The following PAK5 variants were observed in gnomAD, a reference collection of about 807,000 sequenced individuals.
The protein encoded by PAK5 is p21 (RAC1) activated kinase 5, also known as serine/threonine-protein kinase PAK 5.
PAK5 carries 16 observed loss-of-function variants against 65.9 expected under a neutral mutation model. That is an observed-to-expected ratio of 0.24 (90% confidence interval 0.16 to 0.37). The LOEUF is 0.37. Among genes scored for constraint, PAK5 ranks in the 10% least tolerant of loss-of-function variants. The pLI is 1.00. For synonymous variants in PAK5, 371 were observed against 354.9 expected, an observed-to-expected ratio of 1.05 and a Z score of -0.51; for missense variants, 785 against 903.9, an observed-to-expected ratio of 0.87 and a Z score of 1.69.
At chr20:9,734,941 T>C (rs890358161) in intron 1 of PAK5, among the ~76,000 whole-genome samples, 1 of 152,198 alleles carries the variant, frequency 6.6e-6, no homozygotes, top group Non-Finnish European at 1.5e-5. Context: ...GAATGAACTG[T>C]CATTTGTCAA....
chr20:9,643,291 T>C (rs1244340945), intron 3 of PAK5, among the ~76,000 whole-genome samples: 2 of 152,196 alleles, frequency 1.3e-5, no homozygotes, highest in Non-Finnish European at 2.9e-5. Context: ...TAGAGAACTT[T>C]TGGGCAATTG....
intron 4 of PAK5, 96 bp from the exon 5 acceptor site, chr20:9,566,480 G>T: frequency 8.3e-7 from 1 of 1,201,960 alleles, no homozygotes; most frequent in Non-Finnish European, 1.2e-6. Context: ...GCAGAATGAG[G>T]ATCACCAGTG....
chr20:9,794,063 G>A (rs907446552), intron 1 of PAK5, among the ~76,000 whole-genome samples: 7 of 151,578 alleles, frequency 4.6e-5, no homozygotes, highest in East Asian at 2.0e-4. Flanking sequence ...CATTCTCAGC[G>A]AACTAACACA....
chr20:9,630,382 C>T (rs2046905851), intron 3 of PAK5, among the ~76,000 whole-genome samples: 1 of 152,212 alleles, frequency 6.6e-6, no homozygotes. Context: ...TCTTCTCAAT[C>T]AAGCCAGAAA....
intron 4 of PAK5, among the ~76,000 whole-genome samples, chr20:9,568,823 C>T (rs1408344690): frequency 6.6e-6 from 1 of 152,020 alleles, no homozygotes; most frequent in Non-Finnish European, 1.5e-5. Flanking sequence ...CAGAGTGAAA[C>T]CTTGTCTCAG....
At chr20:9,618,949 T>A (rs7267872) in intron 3 of PAK5, among the ~76,000 whole-genome samples, 2,091 of 118,866 alleles carry the variant, frequency 0.018, 16 homozygotes, top group Non-Finnish European at 0.028. Context: ...TTTTTTTTTT[T>A]AATCTCACTG....
At chr20:9,553,870 G>A (rs1393192584) in intron 7 of PAK5, among the ~76,000 whole-genome samples, 2 of 152,192 alleles carry the variant, frequency 1.3e-5, no homozygotes, top group Non-Finnish European at 2.9e-5. Flanking sequence ...AAATGCCTCA[G>A]AGTGCAAGTG....
At chr20:9,656,758 C>T (rs1348288110) in intron 2 of PAK5, among the ~76,000 whole-genome samples, 1 of 152,006 alleles carries the variant, frequency 6.6e-6, no homozygotes, top group African/African-American at 2.4e-5. Context: ...TTGTTAAGCA[C>T]ATAAAATACT....
chr20:9,740,371 G>A (rs1335589747), intron 1 of PAK5, among the ~76,000 whole-genome samples: 1 of 152,122 alleles, frequency 6.6e-6, no homozygotes, highest in Non-Finnish European at 1.5e-5. Flanking sequence ...GGAATAAGAG[G>A]CCTGGCTCTG....
At chr20:9,624,917 T>C (rs1213139334) in intron 3 of PAK5, among the ~76,000 whole-genome samples, 1 of 152,204 alleles carries the variant, frequency 6.6e-6, no homozygotes, top group East Asian at 1.9e-4. Context: ...AAATTATGAA[T>C]CTGTTATAAG....
At chr20:9,754,912 C>A (rs897962422) in intron 1 of PAK5, among the ~76,000 whole-genome samples, 7 of 152,138 alleles carry the variant, frequency 4.6e-5, no homozygotes, top group Non-Finnish European at 1.5e-5. Context: ...ACTCAACTAC[C>A]TTTGTCTATC....
At chr20:9,833,442 C>T (rs922694510) in intron 1 of PAK5, among the ~76,000 whole-genome samples, 1 of 149,300 alleles carries the variant, frequency 6.7e-6, no homozygotes, top group Non-Finnish European at 1.5e-5. Flanking sequence ...CAACCACCCA[C>T]ATCTACCACC....
At chr20:9,816,289 TTATGAG>T (rs1484824572) in intron 1 of PAK5, among the ~76,000 whole-genome samples, 2 of 152,208 alleles carry the variant, frequency 1.3e-5, no homozygotes, top group Non-Finnish European at 2.9e-5. Context: ...CATAGGGTTA[TTATGAG>T]TATATTATCT....
rs185224852 is a variant in PAK5 at position 9,713,090 on chromosome 20, A to G, written c.-161-1655T>C. 2.0e-5 allele frequency among the ~76,000 whole-genome samples: 3 copies of G among 152,292 alleles called. No individual in the cohort carries two copies. The East Asian group carries it at 5.8e-4, about 29-fold the overall frequency. On this transcript the variant is annotated intron_variant, in intron 1 of 9. Transcript: ENST00000353224. ...ACAAAGTTAAGAGACAATCTACAGT[A>G]TGAGAGAAAATATTTGCAAACCATC... is the stretch of plus-strand genomic sequence containing the variant.
chr20:9,768,421 C>G (rs1292630102), intron 1 of PAK5, among the ~76,000 whole-genome samples: 1 of 151,946 alleles, frequency 6.6e-6, no homozygotes, highest in East Asian at 1.9e-4. Context: ...CTGCAATATA[C>G]TCATGGAACA....
At chr20:9,837,972 A>G (rs1979283239) in intron 1 of PAK5, among the ~76,000 whole-genome samples, 1 of 152,184 alleles carries the variant, frequency 6.6e-6, no homozygotes, top group African/African-American at 2.4e-5. Context: ...AGCTCCATAT[A>G]CACACACATG....
At chr20:9,717,872 G>A (rs1464165399) in intron 1 of PAK5, among the ~76,000 whole-genome samples, 1 of 152,082 alleles carries the variant, frequency 6.6e-6, no homozygotes, top group Non-Finnish European at 1.5e-5. Context: ...CACCCGCCTC[G>A]GCCTCCCAAA....
intron 2 of PAK5, among the ~76,000 whole-genome samples, chr20:9,670,786 C>G (rs1652927355): frequency 6.6e-6 from 1 of 152,178 alleles, no homozygotes; most frequent in Admixed American, 6.5e-5. Flanking sequence ...AATTAGATCC[C>G]ATTTGTCAAT....
intron 7 of PAK5, among the ~76,000 whole-genome samples, chr20:9,554,069 G>A (rs1454672332): frequency 3.3e-5 from 5 of 152,256 alleles, no homozygotes; most frequent in Non-Finnish European, 7.4e-5. Context: ...ATTTCTCAAA[G>A]GCCAATGATG....
Sources: allele counts gnomAD v4.1 joint callset (sites outside exome capture counted in the v4.1 genomes callset), GRCh38; gene constraint gnomAD v4.1.1; transcripts MANE v1.5; gene names NCBI Gene and HGNC (gene_info 2026-07-23, HGNC 2026-07-21).